TMCO4: variants seen among roughly 807,000 people sequenced by gnomAD.
The protein encoded by TMCO4 is transmembrane and coiled-coil domains 4.
In TMCO4, 58 loss-of-function variants were observed where a neutral mutation model predicts 64.7. That is an observed-to-expected ratio of 0.90 (90% CI 0.73 to 1.12). The LOEUF is 1.12. Among genes scored for constraint, TMCO4 ranks in the 50% most tolerant of loss-of-function variants. The pLI is 0.00. For synonymous variants in TMCO4, 325 were observed against 346.1 expected, an observed-to-expected ratio of 0.94 and a Z score of 0.68; for missense variants, 780 against 825.9, an observed-to-expected ratio of 0.94 and a Z score of 0.68.
At chr1:19,796,657 C>T (rs2044322574) in intron 2 of TMCO4, among the ~76,000 whole-genome samples, 2 of 152,116 alleles carry the variant, frequency 1.3e-5, no homozygotes, top group Admixed American at 6.5e-5. Context: ...TCACTGCAAC[C>T]TCCACCTCCC....
chr1:19,700,387 G>T (rs566840601), intron 14 of TMCO4, among the ~76,000 whole-genome samples: 1 of 152,192 alleles, frequency 6.6e-6, no homozygotes, highest in South Asian at 2.1e-4. Context: ...TAACACAGAA[G>T]CCTCTCAGAC....
intron 6 of TMCO4, among the ~76,000 whole-genome samples, chr1:19,758,612 G>A (rs940161139): frequency 3.3e-5 from 5 of 152,146 alleles, no homozygotes; most frequent in African/African-American, 1.2e-4. Context: ...AGGGATGCTG[G>A]TCTTGGAGCC....
chr1:19,730,626 G>A (rs1354780724), intron 13 of TMCO4, among the ~76,000 whole-genome samples: 1 of 152,244 alleles, frequency 6.6e-6, no homozygotes, highest in East Asian at 1.9e-4. Flanking sequence ...AGGCTGGGCT[G>A]TAAGGGGCAC....
chr1:19,798,084 C>A (rs1319937292), intron 2 of TMCO4, 53 bp downstream of exon 2: 1 of 156,490 alleles, frequency 6.4e-6, no homozygotes, highest in Non-Finnish European at 1.4e-5. Context: ...GATATCAGGG[C>A]AGCTTGAAGC....
At chr1:19,704,550 G>A (rs2095292543) in intron 13 of TMCO4, among the ~76,000 whole-genome samples, 1 of 152,216 alleles carries the variant, frequency 6.6e-6, no homozygotes. Flanking sequence ...GGTTATCGTT[G>A]CTCCTACAGT....
chr1:19,762,646 T>A (rs1286503343), intron 6 of TMCO4, among the ~76,000 whole-genome samples: 1 of 152,224 alleles, frequency 6.6e-6, no homozygotes, highest in African/African-American at 2.4e-5. Flanking sequence ...CCTGGGAACT[T>A]GGCCCTAAAT....
At chr1:19,714,051 C>T (rs569070849) in intron 13 of TMCO4, among the ~76,000 whole-genome samples, 4 of 152,128 alleles carry the variant, frequency 2.6e-5, no homozygotes, top group Admixed American at 6.5e-5. Context: ...ACTCTTGTGC[C>T]TCAGCCTCCC....
intron 7 of TMCO4, among the ~76,000 whole-genome samples, chr1:19,752,736 T>C (rs1165649110): frequency 6.6e-6 from 1 of 152,102 alleles, no homozygotes; most frequent in South Asian, 2.1e-4. Context: ...CCATTCAGAC[T>C]GGACATCGTG....
At chr1:19,711,994 G>A (rs2095332816) in intron 13 of TMCO4, among the ~76,000 whole-genome samples, 1 of 151,544 alleles carries the variant, frequency 6.6e-6, no homozygotes, top group African/African-American at 2.4e-5. Flanking sequence ...ACAGGGTTTC[G>A]CCATGTGGCC....
At position 19,740,808 on chromosome 1, in the gene TMCO4, G is replaced by A. The variant is rs953668704; in HGVS notation, c.1011C>T (p.Ala337=). 14 of 1,613,426 alleles carry A rather than the reference G, an allele frequency of 8.7e-6. No individual in the cohort carries two copies. The highest frequency in any genetic ancestry group is 1.2e-5 in the Non-Finnish European group (14 of 1,179,754). Residue 337 remains alanine, a synonymous_variant, in exon 11 of 16, where the codon GCC becomes GCT. Transcript: ENST00000294543. ...TILSGLANMV[A]QEALKYTVLS... The stretch of plus-strand genomic sequence containing the variant: ...ACACTGTGTACTTTAGGGCCTCCTG[G>A]GCCACCATGTTGGCGAGACCACTGA...
intron 4 of TMCO4, 22 bp from the exon 5 acceptor site, chr1:19,771,504 G>A: frequency 6.2e-7 from 1 of 1,610,456 alleles, no homozygotes; most frequent in South Asian, 1.1e-5. Flanking sequence ...ACATGGCTTA[G>A]TTCTCCAGGA....
At chr1:19,739,458 G>T (rs1441515232) in intron 12 of TMCO4, among the ~76,000 whole-genome samples, 1 of 152,194 alleles carries the variant, frequency 6.6e-6, no homozygotes, top group Non-Finnish European at 1.5e-5. Flanking sequence ...AACTGCGTCA[G>T]AGGTTTCCAC....
chr1:19,778,729 G>C (rs532573729), intron 4 of TMCO4, among the ~76,000 whole-genome samples: 4 of 152,322 alleles, frequency 2.6e-5, no homozygotes, highest in Admixed American at 2.6e-4. Context: ...TGAGTCCAGA[G>C]CCTATGGACC....
At chr1:19,759,146 G>A (rs1454305365) in intron 6 of TMCO4, among the ~76,000 whole-genome samples, 2 of 148,004 alleles carry the variant, frequency 1.4e-5, no homozygotes, top group African/African-American at 5.0e-5. Context: ...CATCCACCCT[G>A]GGGCTCAGAC....
chr1:19,699,486 C>CATATATATATAT (rs10587817), intron 14 of TMCO4, among the ~76,000 whole-genome samples: 8 of 136,414 alleles, frequency 5.9e-5, no homozygotes, highest in Non-Finnish European at 9.4e-5. Flanking sequence ...TTTTCATATA[C>CATATATATATAT]ATATATATAT....
In TMCO4 at chr1:19,740,842, T is replaced by C. The variant is rs1349889122; in HGVS notation, c.977A>G (p.Glu326Gly). 3 of 1,614,102 alleles carry C rather than the reference T, an allele frequency of 1.9e-6. No individual in the cohort carries two copies. Among genetic ancestry groups the C allele is most frequent in the Admixed American group, 3.3e-5 (2 of 60,018 alleles). ...GTTGGCGAGACCACTGAGGATGGTC[T>C]CCAGGGCATTGCCGAGCTCCATCAG... ...KYLMELGNALETILSGLANMV... is the reference protein window; with the variant it reads ...KYLMELGNALGTILSGLANMV... The change falls in exon 11 of 16, where the codon GAG becomes GGG. Residue 326 changes from glutamate to glycine, a missense_variant. Coordinates refer to ENST00000294543, the MANE Select transcript of TMCO4 (RefSeq NM_181719.7).
At chr1:19,750,381 T>G (rs188104007) in intron 7 of TMCO4, 14 of 152,292 alleles carry the variant, frequency 9.2e-5, no homozygotes, top group Admixed American at 5.9e-4. Flanking sequence ...GTCTGGAAAT[T>G]TGGGGAAGAG....
intron 10 of TMCO4, 121 bp from the exon 11 acceptor site, chr1:19,741,062 C>T: frequency 9.5e-7 from 1 of 1,057,554 alleles, no homozygotes; most frequent in Non-Finnish European, 1.3e-6. Flanking sequence ...GAGGCCCACC[C>T]CCTGCCAATG....
At chr1:19,704,675 G>A (rs2095293131) in intron 13 of TMCO4, among the ~76,000 whole-genome samples, 1 of 152,208 alleles carries the variant, frequency 6.6e-6, no homozygotes, top group Non-Finnish European at 1.5e-5. Flanking sequence ...AGCTGGGACT[G>A]CTTTTCGAGC....
Sources: gnomAD v4.1 joint callset for allele counts (sites outside exome capture counted in the v4.1 genomes callset) on GRCh38, gnomAD v4.1.1 for gene constraint, MANE v1.5 for transcripts, NCBI Gene and HGNC (gene_info 2026-07-23, HGNC 2026-07-21) for gene names.